RSBN1: variants seen among roughly 807,000 people sequenced by gnomAD.
RSBN1 encodes lysine-specific demethylase 9.
RSBN1 carries 23 observed loss-of-function variants against 74.8 expected under a neutral mutation model. The observed-to-expected ratio is 0.31, with a 90% confidence interval of 0.22 to 0.44. The LOEUF is 0.44. Ranked by LOEUF, RSBN1 falls within the 20% of genes least tolerant of loss-of-function variation. The pLI, the probability that RSBN1 is intolerant of heterozygous loss-of-function variation, is 1.00. For synonymous variants in RSBN1, 407 were observed against 379.6 expected (o/e 1.07, Z -0.84); for missense variants, 808 against 1,020.9 (o/e 0.79, Z 2.84).
rs1180857758 is a variant in RSBN1, at chr1:113,797,679, G to A, written c.1061C>T (p.Thr354Ile). The part of the protein sequence containing the change: ...SIRRNFLKTG[T>I]KFSNFIHEEH... ...CTCATGAATAAAGTTGCTAAATTTA[G>A]TACCTGTTTTTAAGAAATTTCTACG... Residue 354 changes from threonine to isoleucine, a missense_variant, in exon 2 of 7, where the codon ACT (threonine) becomes ATT (isoleucine). Thr to Ile is a moderately conservative substitution (Grantham distance 89, BLOSUM62 -1). Around this residue, in one of 6 missense-constraint regions of RSBN1, gnomAD observed 85 missense variants for 126.2 expected, o/e 0.67. Transcript: ENST00000261441. 1 of 1,613,944 alleles carries A rather than the reference G, an allele frequency of 6.2e-7. No homozygotes were observed. The highest frequency in any genetic ancestry group is 1.7e-5 in the Admixed American group (1 of 59,964).
At chr1:113,791,928 A>C (rs1056646338) in intron 2 of RSBN1, among the ~76,000 whole-genome samples, 1 of 152,172 alleles carries the variant, frequency 6.6e-6, no homozygotes, top group African/African-American at 2.4e-5. Flanking sequence ...TCAATCAAAG[A>C]TCAGAGTGCA....
At chr1:113,784,841 T>C (rs1292842946) in intron 2 of RSBN1, among the ~76,000 whole-genome samples, 1 of 151,988 alleles carries the variant, frequency 6.6e-6, no homozygotes, top group Non-Finnish European at 1.5e-5. Flanking sequence ...GAATAGGGAG[T>C]TGTTATGGGT....
At position 113,777,538 on chromosome 1, in the gene RSBN1, C is replaced by CA. The variant is rs1385136306; in HGVS notation, c.1515+132_1515+133insT. The CA allele has an allele frequency of 1.1e-4, 108 of 968,860 alleles. 1 individual carries two copies. In the African/African-American group the frequency reaches 1.6e-3, roughly 15 times the overall value. The allele number at this position is 968,860 out of a possible 1,614,324, so 60.0% of individuals were successfully genotyped here. On this transcript the variant is annotated intron_variant, in intron 3 of 6. Transcript: ENST00000261441. ...TTAAGTACTTTGTACTAATATTATT[C>CA]TATCTAAACATTTCTGTGCAAAACA...
intron 4 of RSBN1, among the ~76,000 whole-genome samples, chr1:113,776,978 T>C (rs1227449948): frequency 6.6e-6 from 1 of 152,178 alleles, no homozygotes; most frequent in Non-Finnish European, 1.5e-5. Context: ...TGATCTTTTA[T>C]CCTGCAGGCA....
chr1:113,811,478 G>C (rs1660844496), intron 1 of RSBN1, among the ~76,000 whole-genome samples: 1 of 152,162 alleles, frequency 6.6e-6, no homozygotes, highest in Non-Finnish European at 1.5e-5. Flanking sequence ...GAGAGGCTCC[G>C]GGGGACCGGT....
chr1:113,768,788 T>G (rs1659832704), intron 4 of RSBN1, among the ~76,000 whole-genome samples: 1 of 152,052 alleles, frequency 6.6e-6, no homozygotes, highest in South Asian at 2.1e-4. Context: ...TAGCTATAAT[T>G]AAGCATTAAT....
At chr1:113,768,420 T>G in intron 4 of RSBN1, 31 bp from the exon 5 acceptor site, 1 of 1,535,372 alleles carries the variant, frequency 6.5e-7, no homozygotes, top group Non-Finnish European at 8.8e-7. Flanking sequence ...AAACAAAGGG[T>G]AAGCAAGGAA....
At chr1:113,800,692 C>T (rs1232905510) in intron 1 of RSBN1, among the ~76,000 whole-genome samples, 4 of 151,992 alleles carry the variant, frequency 2.6e-5, no homozygotes, top group South Asian at 4.2e-4. Context: ...GAAAGAACTG[C>T]GTTGATTGTA....
At chr1:113,779,078 T>A (rs1013378408) in intron 2 of RSBN1, among the ~76,000 whole-genome samples, 1 of 152,216 alleles carries the variant, frequency 6.6e-6, no homozygotes, top group African/African-American at 2.4e-5. Flanking sequence ...CCACTTCAGA[T>A]CAGTTACCTA....
chr1:113,799,564 TTACACACACACA>T (rs1485126452), intron 1 of RSBN1, among the ~76,000 whole-genome samples: 1 of 101,384 alleles, frequency 9.9e-6, no homozygotes, highest in Non-Finnish European at 2.0e-5. Flanking sequence ...TATAGATGCT[TTACACACACACA>T]CACACACACA....
At chr1:113,802,225 G>C (rs1219076697) in intron 1 of RSBN1, among the ~76,000 whole-genome samples, 1 of 151,630 alleles carries the variant, frequency 6.6e-6, no homozygotes, top group East Asian at 1.9e-4. Flanking sequence ...CAAAGTGCTG[G>C]GATTACAGGC....
Position 113,778,501 on chromosome 1 carries a change from CGTT to C in RSBN1, c.1378-696_1378-694del, listed in dbSNP as rs528065446. Among the ~76,000 whole-genome samples, 439 of 151,790 alleles carry C rather than the reference CGTT, an allele frequency of 2.9e-3. 1 individual carries two copies. Among genetic ancestry groups the C allele is most frequent in the African/African-American group, 9.3e-3 (386 of 41,422 alleles). On this transcript the variant is annotated intron_variant, in intron 2 of 6. Coordinates refer to ENST00000261441, the MANE Select transcript of RSBN1 (RefSeq NM_018364.5). Reference sequence around the variant, plus strand: ...TTTTAGTAGAGATGGGGTTTCAACACGTTGGCCAGGCTGGTCTTGAACTCCTGA... The same window carrying C: ...TTTTAGTAGAGATGGGGTTTCAACACGGCCAGGCTGGTCTTGAACTCCTGA...
intron 3 of RSBN1, 113 bp downstream of exon 3, chr1:113,777,557 CA>C: frequency 1.8e-6 from 2 of 1,094,112 alleles, no homozygotes; most frequent in Admixed American, 2.8e-5. Flanking sequence ...CATTTCTGTG[CA>C]AAACACTGGA....
intron 2 of RSBN1, among the ~76,000 whole-genome samples, chr1:113,785,016 T>G (rs1179169163): frequency 6.7e-6 from 1 of 149,844 alleles, no homozygotes; most frequent in Non-Finnish European, 1.5e-5. Flanking sequence ...TTTATGAGTT[T>G]TTTAATTCTT....
intron 1 of RSBN1, among the ~76,000 whole-genome samples, chr1:113,804,225 T>G (rs1482552895): frequency 1.3e-5 from 2 of 152,130 alleles, no homozygotes; most frequent in Non-Finnish European, 2.9e-5. Context: ...TGACACACAA[T>G]AAGTCTCTTA....
chr1:113,779,876 C>A (rs1660102948), intron 2 of RSBN1, among the ~76,000 whole-genome samples: 1 of 151,974 alleles, frequency 6.6e-6, no homozygotes, highest in African/African-American at 2.4e-5. Context: ...CAAAAATTAG[C>A]CAGGCACGGT....
intron 4 of RSBN1, among the ~76,000 whole-genome samples, chr1:113,776,810 C>CAAAA (rs58152175): frequency 3.3e-5 from 3 of 90,260 alleles, no homozygotes; most frequent in Non-Finnish European, 6.5e-5. Context: ...GACCCTATCT[C>CAAAA]AAAAAAAAAA....
intron 1 of RSBN1, among the ~76,000 whole-genome samples, chr1:113,810,689 G>A (rs1188694179): frequency 6.6e-6 from 1 of 152,088 alleles, no homozygotes; most frequent in African/African-American, 2.4e-5. Flanking sequence ...CAAAACTTTA[G>A]GTTGAAAGAT....
chr1:113,795,807 G>A (rs1446851219), intron 2 of RSBN1, among the ~76,000 whole-genome samples: 5 of 152,076 alleles, frequency 3.3e-5, no homozygotes, highest in Admixed American at 2.6e-4. Context: ...ATTTAGACTG[G>A]ATACTGTCTG....
Sources: allele counts gnomAD v4.1 joint callset (sites outside exome capture counted in the v4.1 genomes callset), GRCh38; gene constraint gnomAD v4.1.1; regional missense constraint gnomAD v4.1.1; transcripts MANE v1.5; gene names NCBI Gene and HGNC (gene_info 2026-07-23, HGNC 2026-07-21).